Variants in NDE1 observed in about 807,000 individuals in gnomAD.
The protein encoded by NDE1 is nudE neurodevelopment protein 1, also known as nuclear distribution protein nudE homolog 1.
In NDE1, 28 loss-of-function variants were observed where a neutral mutation model predicts 43.4. The ratio of observed to expected loss-of-function variants is 0.65; its 90% CI spans 0.48 to 0.89. NDE1 has a LOEUF of 0.89. NDE1 is among the 40% of genes least tolerant of loss of function. NDE1 has a pLI of 0.00. For synonymous variants in NDE1, 184 were observed against 172.0 expected (o/e 1.07, Z -0.55); for missense variants, 441 against 434.1 (o/e 1.02, Z -0.14).
rs2040678071 is a variant in NDE1, at chr16:15,724,970, C to A, written c.*719C>A. 6.2e-7 allele frequency: 1 copy of A among 1,614,004 alleles called. No individual in the cohort carries two copies. The highest frequency in any genetic ancestry group is 2.2e-5 in the East Asian group (1 of 44,862). On this transcript the variant is annotated 3_prime_UTR_variant, in exon 9 of 9. Coordinates refer to ENST00000396354, the MANE Select transcript of NDE1 (RefSeq NM_017668.3). ...CTTCCCCTCGGCCTCGTTAAGCATC[C>A]CTGTGACGCTCTCAACTTCATTCTA... is the stretch of plus-strand genomic sequence containing the variant.
chr16:15,687,464 AAG>A lies in NDE1; in HGVS notation c.480_481del (p.Asn161SerfsTer11). ...TTCCTGGAAAGTGAACTTGATGAAA[AAG>A]AGAATCTCCTGGAATCTGTTCAGAG... On this transcript the variant is annotated frameshift_variant, in exon 5 of 9. Coordinates refer to ENST00000396354, the MANE Select transcript of NDE1 (RefSeq NM_017668.3). LOFTEE classifies it high-confidence loss of function. 1.2e-6 allele frequency: 2 copies of A among 1,614,190 alleles called. No homozygotes were observed. Among genetic ancestry groups the A allele is most frequent in the Non-Finnish European group, 1.7e-6 (2 of 1,180,034 alleles).
chr16:15,681,519 C>T (rs1047036950), intron 4 of NDE1, among the ~76,000 whole-genome samples: 10 of 151,834 alleles, frequency 6.6e-5, no homozygotes, highest in African/African-American at 9.7e-5. Flanking sequence ...CCTTGGCCTC[C>T]CAAAGTGCTG....
chr16:15,702,608 C>T (rs958334041), intron 8 of NDE1, among the ~76,000 whole-genome samples: 7 of 151,556 alleles, frequency 4.6e-5, no homozygotes, highest in African/African-American at 1.7e-4. Context: ...GGGGGTCTCT[C>T]TCGGCTAGGC....
At chr16:15,652,311 A>T (rs369584768) in intron 1 of NDE1, among the ~76,000 whole-genome samples, 1 of 151,972 alleles carries the variant, frequency 6.6e-6, no homozygotes, top group African/African-American at 2.4e-5. Context: ...CAGTGCTGAG[A>T]TTACTTGCAG....
upstream of NDE1, among the ~76,000 whole-genome samples, chr16:15,645,381 G>A (rs1342591523): frequency 6.6e-6 from 1 of 152,126 alleles, no homozygotes. Context: ...CGTAATCCCA[G>A]CACTTTGGGA....
intron 8 of NDE1, chr16:15,700,182 C>T (rs1369947205): frequency 8.9e-6 from 8 of 896,160 alleles, no homozygotes; most frequent in South Asian, 8.3e-5. Context: ...CTGCAACCTC[C>T]GCCTCCTGGG....
intron 8 of NDE1, chr16:15,719,659 C>T: frequency 1.2e-6 from 2 of 1,614,218 alleles, no homozygotes; most frequent in Non-Finnish European, 1.7e-6. Context: ...GCAAAGATCT[C>T]ATCTCTGGAG....
rs139705968 is a variant in NDE1, at chr16:15,686,875, G to C, written c.387-500G>C. 1.3e-5 allele frequency: 8 copies of C among 611,476 alleles called. No homozygotes were observed. In the East Asian group the frequency reaches 9.9e-4, roughly 76 times the overall value. 37.9% of individuals were successfully genotyped at this position (611,476 alleles called of 1,614,324 possible). On this transcript the variant is annotated intron_variant, in intron 4 of 8. Transcript: ENST00000396354. ...GGCTAATTTTTGTATTTCTAGTAGAGACAGGATTTTGCCATTTGCCCAAGC... is the reference window on the plus strand; with the variant it reads ...GGCTAATTTTTGTATTTCTAGTAGACACAGGATTTTGCCATTTGCCCAAGC...
chr16:15,670,167 T>G (rs1229607910), intron 3 of NDE1, among the ~76,000 whole-genome samples: 1 of 152,198 alleles, frequency 6.6e-6, no homozygotes, highest in African/African-American at 2.4e-5. Context: ...GGTTTTCTTT[T>G]TCTCATTAAA....
intron 1 of NDE1, among the ~76,000 whole-genome samples, chr16:15,651,259 C>T (rs2036486133): frequency 6.6e-6 from 1 of 152,088 alleles, no homozygotes; most frequent in Admixed American, 6.6e-5. Context: ...GCCTTTGCAG[C>T]ACGACCTAGG....
rs755624875 is a variant in NDE1 at position 15,681,222 on chromosome 16, GC to G, written c.386+3276del. Among the ~76,000 whole-genome samples, 36 of 106,464 alleles carry G rather than the reference GC, an allele frequency of 3.4e-4. No individual in the cohort carries two copies. The East Asian group carries it at 7.0e-3, about 21-fold the overall frequency. 69.8% of individuals were successfully genotyped at this position (106,464 alleles called of 152,430 possible). ...TATTTTTATTTTCTTTAGGTGGATA[GC>G]CCAGTTGTGCCAGCACTGTTAAACA... is the stretch of plus-strand genomic sequence containing the variant. On this transcript the variant is annotated intron_variant, in intron 4 of 8. Coordinates refer to ENST00000396354, the MANE Select transcript of NDE1 (RefSeq NM_017668.3).
At chr16:15,692,198 C>T (rs982776322) in intron 6 of NDE1, among the ~76,000 whole-genome samples, 5 of 152,316 alleles carry the variant, frequency 3.3e-5, no homozygotes, top group African/African-American at 7.2e-5. Context: ...CAGCCTTCGC[C>T]GCAGGCCCAG....
At chr16:15,708,935 A>T in intron 8 of NDE1, 1 of 1,283,392 alleles carries the variant, frequency 7.8e-7, no homozygotes, top group Admixed American at 2.0e-5. Flanking sequence ...ATTTGCTTCG[A>T]TTTAATAATT....
At chr16:15,723,589 G>C (rs1277531242) in intron 8 of NDE1, among the ~76,000 whole-genome samples, 1 of 152,098 alleles carries the variant, frequency 6.6e-6, no homozygotes, top group Non-Finnish European at 1.5e-5. Context: ...GAGGTTGCGG[G>C]GAGCTGAGAT....
In NDE1 at chr16:15,715,043, C is replaced by T. The variant is rs150860193; in HGVS notation, c.948-9148C>T. Reference sequence around the variant, plus strand: ...ACTCCTCCTCTGCCTCCTCCAGCTGCCTCTTGAGCTGCTTGACCCTGGCAT... The same window carrying T: ...ACTCCTCCTCTGCCTCCTCCAGCTGTCTCTTGAGCTGCTTGACCCTGGCAT... On this transcript the variant is annotated intron_variant, in intron 8 of 8. Coordinates refer to ENST00000396354, the MANE Select transcript of NDE1 (RefSeq NM_017668.3). The T allele has an allele frequency of 4.5e-5, 72 of 1,613,654 alleles. No homozygotes were observed. The highest frequency in any genetic ancestry group is 5.3e-5 in the Non-Finnish European group (63 of 1,180,038).
intron 8 of NDE1, chr16:15,719,427 G>T (rs2040347989): frequency 8.9e-6 from 13 of 1,464,104 alleles, no homozygotes; most frequent in South Asian, 8.1e-5. Flanking sequence ...CTCAGGGGAG[G>T]CCCCGTGAAT....
intron 8 of NDE1, chr16:15,708,735 G>T: frequency 6.6e-7 from 1 of 1,503,764 alleles, no homozygotes; most frequent in Non-Finnish European, 9.1e-7. Flanking sequence ...GTGGGCAGAG[G>T]GGCGCATTGG....
chr16:15,719,127 C>G, intron 8 of NDE1: 25 of 1,312,666 alleles, frequency 1.9e-5, no homozygotes, highest in Admixed American at 5.6e-5. Context: ...AACTCTGTCT[C>G]GAAAAAATTT....
intron 8 of NDE1, among the ~76,000 whole-genome samples, chr16:15,715,645 G>T (rs1424045189): frequency 1.3e-5 from 2 of 152,074 alleles, no homozygotes; most frequent in East Asian, 3.9e-4. Flanking sequence ...GCGGGGAGGA[G>T]GCAAGGTCTT....
Sources: allele counts gnomAD v4.1 joint callset (sites outside exome capture counted in the v4.1 genomes callset), GRCh38; gene constraint gnomAD v4.1.1; transcripts MANE v1.5; gene names NCBI Gene and HGNC (gene_info 2026-07-23, HGNC 2026-07-21).